Variants in CNTN5 observed in about 807,000 individuals in gnomAD.
CNTN5 encodes the protein contactin-5.
CNTN5 carries 77 observed loss-of-function variants against 129.1 expected under a neutral mutation model. The ratio of observed to expected loss-of-function variants is 0.60; its 90% CI spans 0.50 to 0.72. CNTN5 has a LOEUF of 0.72. CNTN5 is among the 30% of genes least tolerant of loss of function. The pLI, the probability that CNTN5 is intolerant of heterozygous loss-of-function variation, is 0.00. For synonymous variants in CNTN5, 509 were observed against 465.6 expected (o/e 1.09, Z -1.20); for missense variants, 1,478 against 1,328.8 (o/e 1.11, Z -1.75).
chr11:99,427,191 G>C (rs968220028), intron 2 of CNTN5, among the ~76,000 whole-genome samples: 3 of 152,166 alleles, frequency 2.0e-5, no homozygotes, highest in Middle Eastern at 3.2e-3. Flanking sequence ...AGTGTGTCCT[G>C]AATCGTAAGT....
At chr11:99,916,218 G>C in intron 7 of CNTN5, 69 bp downstream of exon 7, 1 of 1,181,780 alleles carries the variant, frequency 8.5e-7, no homozygotes, top group Admixed American at 2.0e-5. Flanking sequence ...CTTTTAGACA[G>C]TATATTGATG....
intron 13 of CNTN5, among the ~76,000 whole-genome samples, chr11:100,129,258 A>G (rs17094381): frequency 0.043 from 6,476 of 152,262 alleles, 304 homozygotes; most frequent in African/African-American, 0.11. Flanking sequence ...TGAAGTGGCT[A>G]TACCCCTTTC....
intron 2 of CNTN5, among the ~76,000 whole-genome samples, chr11:99,388,276 A>G (rs915270481): frequency 6.6e-6 from 1 of 151,836 alleles, no homozygotes; most frequent in Non-Finnish European, 1.5e-5. Context: ...TTAGCCGAGC[A>G]TGGTGGCACA....
chr11:99,495,452 G>A (rs974995437), intron 2 of CNTN5, among the ~76,000 whole-genome samples: 12 of 152,166 alleles, frequency 7.9e-5, no homozygotes, highest in African/African-American at 1.2e-4. Context: ...GAGATATGGC[G>A]CTTTCTGGAA....
At chr11:99,183,480 G>C (rs1292127875) in intron 1 of CNTN5, among the ~76,000 whole-genome samples, 3 of 152,006 alleles carry the variant, frequency 2.0e-5, no homozygotes, top group Non-Finnish European at 4.4e-5. Context: ...TGGTACATTG[G>C]TCACCATTAA....
chr11:99,026,937 TG>T (rs1333656231), intron 1 of CNTN5, among the ~76,000 whole-genome samples: 2 of 151,706 alleles, frequency 1.3e-5, no homozygotes, highest in East Asian at 3.9e-4. Flanking sequence ...CATAAAACAT[TG>T]TCTTTTAAGA....
At chr11:99,771,448 C>G (rs1944942977) in intron 3 of CNTN5, among the ~76,000 whole-genome samples, 1 of 151,756 alleles carries the variant, frequency 6.6e-6, no homozygotes, top group African/African-American at 2.4e-5. Flanking sequence ...TATTTACACA[C>G]AATGAAATAT....
chr11:99,284,600 GGTGT>G (rs71046675), intron 1 of CNTN5, among the ~76,000 whole-genome samples: 4,197 of 124,594 alleles, frequency 0.034, 113 homozygotes, highest in East Asian at 0.047. Context: ...AGAGATGAGT[GGTGT>G]GTGTGTGTGT....
At chr11:99,861,499 AT>A (rs577820292) in intron 6 of CNTN5, among the ~76,000 whole-genome samples, 43 of 151,844 alleles carry the variant, frequency 2.8e-4, no homozygotes, top group East Asian at 2.5e-3. Flanking sequence ...TTTCATTTGA[AT>A]TTTTTTTTCC....
intron 2 of CNTN5, among the ~76,000 whole-genome samples, chr11:99,356,622 C>T (rs938738725): frequency 3.9e-5 from 6 of 152,270 alleles, no homozygotes; most frequent in African/African-American, 1.4e-4. Flanking sequence ...TCTGTCAACC[C>T]TCTTAGAGTA....
chr11:99,630,676 CT>C (rs1951313483), intron 3 of CNTN5, among the ~76,000 whole-genome samples: 1 of 152,236 alleles, frequency 6.6e-6, no homozygotes, highest in South Asian at 2.1e-4. Context: ...TCGCAATTTA[CT>C]TCAACACATT....
chr11:100,159,665 G>C (rs1223826971), intron 13 of CNTN5, among the ~76,000 whole-genome samples: 4 of 151,888 alleles, frequency 2.6e-5, no homozygotes, highest in African/African-American at 9.7e-5. Context: ...ACACCAACAT[G>C]TTAGAAATTT....
intron 3 of CNTN5, among the ~76,000 whole-genome samples, chr11:99,721,012 T>A (rs1565460227): frequency 6.6e-6 from 1 of 152,000 alleles, no homozygotes; most frequent in Non-Finnish European, 1.5e-5. Flanking sequence ...TGGAAAAACA[T>A]CCTATTTTCA....
intron 3 of CNTN5, among the ~76,000 whole-genome samples, chr11:99,711,940 A>G (rs1467251270): frequency 2.0e-5 from 3 of 152,206 alleles, no homozygotes; most frequent in Admixed American, 6.5e-5. Context: ...TGCAGTAAAC[A>G]TATGTGTGCA....
At chr11:99,723,686 T>C (rs963369292) in intron 3 of CNTN5, among the ~76,000 whole-genome samples, 2 of 152,220 alleles carry the variant, frequency 1.3e-5, no homozygotes, top group African/African-American at 4.8e-5. Context: ...TGTTATTTTC[T>C]ATTTTGTTAT....
intron 3 of CNTN5, among the ~76,000 whole-genome samples, chr11:99,676,764 A>T (rs1953305945): frequency 6.6e-6 from 1 of 152,196 alleles, no homozygotes; most frequent in East Asian, 1.9e-4. Flanking sequence ...GCCACTGTGG[A>T]AAAATAAATC....
intron 13 of CNTN5, among the ~76,000 whole-genome samples, chr11:100,087,342 TCAAA>T (rs1243453254): frequency 6.6e-6 from 1 of 151,604 alleles, no homozygotes; most frequent in Non-Finnish European, 1.5e-5. Context: ...TAAAAAATCT[TCAAA>T]CATACACCAA....
chr11:100,297,712 C>G lies in CNTN5; in HGVS notation c.2385+17C>G. ...GCCTGGGAGGTAAGAAAAACACATCCTCTCACAAATTACTCCACGTGTTTG... is the reference window on the plus strand; with the variant it reads ...GCCTGGGAGGTAAGAAAAACACATCGTCTCACAAATTACTCCACGTGTTTG... On this transcript the variant is annotated intron_variant, in intron 19 of 24. Transcript: ENST00000524871. 6.4e-7 allele frequency: 1 copy of G among 1,564,528 alleles called. No homozygotes were observed. Among genetic ancestry groups the G allele is most frequent in the Non-Finnish European group, 8.7e-7 (1 of 1,144,868 alleles).
intron 9 of CNTN5, among the ~76,000 whole-genome samples, chr11:100,054,325 G>A (rs996344601): frequency 3.3e-5 from 5 of 151,768 alleles, no homozygotes; most frequent in African/African-American, 1.2e-4. Flanking sequence ...GGAGAATTAA[G>A]AACAGTTTTT....
Sources: gnomAD v4.1 joint callset for allele counts (sites outside exome capture counted in the v4.1 genomes callset) on GRCh38, gnomAD v4.1.1 for gene constraint, MANE v1.5 for transcripts, NCBI Gene and HGNC (gene_info 2026-07-23, HGNC 2026-07-21) for gene names.